The following ST6GALNAC5 variants were observed in gnomAD, a reference collection of about 807,000 sequenced individuals.
The protein encoded by ST6GALNAC5 is alpha-N-acetylgalactosaminide alpha-2,6-sialyltransferase 5.
In ST6GALNAC5, 27 loss-of-function variants were observed where a neutral mutation model predicts 33.6. The ratio of observed to expected loss-of-function variants is 0.80; its 90% confidence interval spans 0.59 to 1.11. ST6GALNAC5 has a LOEUF of 1.11. Among genes scored for constraint, ST6GALNAC5 ranks in the 50% least tolerant of loss-of-function variants. ST6GALNAC5 has a pLI of 0.00. For missense variants in ST6GALNAC5, 428 were observed against 454.0 expected, an observed-to-expected ratio of 0.94 and a Z score of 0.52; for synonymous variants, 194 against 171.2, an observed-to-expected ratio of 1.13 and a Z score of -1.04.
At chr1:76,972,806 A>T (rs772527553) in intron 2 of ST6GALNAC5, among the ~76,000 whole-genome samples, 1 of 152,090 alleles carries the variant, frequency 6.6e-6, no homozygotes, top group African/African-American at 2.4e-5. Flanking sequence ...GAGTCTGCTT[A>T]TTTTTACCTA....
At chr1:76,966,956 C>T (rs540903770) in intron 2 of ST6GALNAC5, among the ~76,000 whole-genome samples, 3 of 152,154 alleles carry the variant, frequency 2.0e-5, no homozygotes, top group African/African-American at 4.8e-5. Context: ...CTGACTTGAT[C>T]GTGGTGCATA....
At chr1:77,061,038 T>A (rs187603587) in intron 4 of ST6GALNAC5, among the ~76,000 whole-genome samples, 184 of 152,330 alleles carry the variant, frequency 1.2e-3, no homozygotes, top group Non-Finnish European at 2.1e-3. Context: ...GAATTTTTGT[T>A]AGAAGGCATT....
intron 2 of ST6GALNAC5, among the ~76,000 whole-genome samples, chr1:76,951,043 A>G (rs900391005): frequency 2.0e-5 from 3 of 152,126 alleles, no homozygotes; most frequent in Non-Finnish European, 4.4e-5. Context: ...CTACAAGCAA[A>G]TTGAAACTGA....
At chr1:76,982,918 A>C (rs1237981661) in intron 2 of ST6GALNAC5, among the ~76,000 whole-genome samples, 1 of 152,150 alleles carries the variant, frequency 6.6e-6, no homozygotes, top group East Asian at 2.0e-4. Context: ...ACAAAGCTTC[A>C]TACGTGAAGG....
chr1:76,916,337 A>G (rs1646974617), intron 2 of ST6GALNAC5, among the ~76,000 whole-genome samples: 1 of 152,166 alleles, frequency 6.6e-6, no homozygotes, highest in Non-Finnish European at 1.5e-5. Context: ...TGCATTTACA[A>G]AGAAATTCTC....
chr1:77,030,172 T>G (rs935122840), intron 2 of ST6GALNAC5, among the ~76,000 whole-genome samples: 3 of 152,254 alleles, frequency 2.0e-5, no homozygotes, highest in Admixed American at 2.0e-4. Context: ...AACCCATTCA[T>G]GTAGGTTTTC....
At chr1:76,911,287 T>A (rs1448468081) in intron 2 of ST6GALNAC5, among the ~76,000 whole-genome samples, 1 of 152,296 alleles carries the variant, frequency 6.6e-6, no homozygotes, top group Middle Eastern at 3.4e-3. Flanking sequence ...ATCCCAGGGA[T>A]GAAGCCCACT....
chr1:76,903,176 C>A (rs891873548), intron 2 of ST6GALNAC5, among the ~76,000 whole-genome samples: 12 of 151,878 alleles, frequency 7.9e-5, no homozygotes, highest in Non-Finnish European at 1.5e-4. Context: ...ATGTAAAGAC[C>A]CATACAACTC....
chr1:76,927,507 G>A (rs1325175746), intron 2 of ST6GALNAC5, among the ~76,000 whole-genome samples: 1 of 152,078 alleles, frequency 6.6e-6, no homozygotes, highest in African/African-American at 2.4e-5. Context: ...GCAAAGGCCT[G>A]ATAGTGATAT....
chr1:76,941,955 A>G (rs1377241418), intron 2 of ST6GALNAC5, among the ~76,000 whole-genome samples: 2 of 152,156 alleles, frequency 1.3e-5, no homozygotes, highest in African/African-American at 4.8e-5. Flanking sequence ...AGTGTCTCTC[A>G]GAGTCAATTC....
chr1:76,941,145 A>G (rs541081093), intron 2 of ST6GALNAC5, among the ~76,000 whole-genome samples: 6 of 152,186 alleles, frequency 3.9e-5, no homozygotes, highest in African/African-American at 1.2e-4. Flanking sequence ...AGCTTAGGCA[A>G]TGGGTTCAAT....
chr1:76,940,862 T>G (rs1647316572), intron 2 of ST6GALNAC5, among the ~76,000 whole-genome samples: 1 of 152,106 alleles, frequency 6.6e-6, no homozygotes, highest in Non-Finnish European at 1.5e-5. Context: ...CCTGTCTTTT[T>G]GCATTCCTGA....
At chr1:76,932,873 C>T (rs950401966) in intron 2 of ST6GALNAC5, among the ~76,000 whole-genome samples, 9 of 152,170 alleles carry the variant, frequency 5.9e-5, no homozygotes, top group African/African-American at 2.2e-4. Context: ...GTAGGAGATA[C>T]TCTTTGCAAT....
chr1:77,017,277 T>C (rs1394929882), intron 2 of ST6GALNAC5, among the ~76,000 whole-genome samples: 1 of 151,994 alleles, frequency 6.6e-6, no homozygotes, highest in Non-Finnish European at 1.5e-5. Context: ...GGAATGTCAA[T>C]GAAGTAGAAC....
chr1:76,924,335 A>G (rs988802415), intron 2 of ST6GALNAC5, among the ~76,000 whole-genome samples: 3 of 152,144 alleles, frequency 2.0e-5, no homozygotes, highest in Non-Finnish European at 2.9e-5. Flanking sequence ...AATTTGACTT[A>G]AGTTTCTGGA....
intron 2 of ST6GALNAC5, among the ~76,000 whole-genome samples, chr1:76,894,550 C>T (rs1654084020): frequency 6.6e-6 from 1 of 152,146 alleles, no homozygotes; most frequent in South Asian, 2.1e-4. Flanking sequence ...ACTTGATAGG[C>T]ACCCTATTGC....
chr1:76,915,911 T>A (rs1201187355), intron 2 of ST6GALNAC5, among the ~76,000 whole-genome samples: 6 of 39,926 alleles, frequency 1.5e-4, no homozygotes, highest in Non-Finnish European at 3.1e-4. Context: ...CTTCCTTGGA[T>A]AATAATAATA....
At position 77,064,816 on chromosome 1, in the gene ST6GALNAC5, T is replaced by A. The variant is rs1261877947; in HGVS notation, c.*1610T>A. On this transcript the variant is annotated 3_prime_UTR_variant, in exon 5 of 5. Coordinates refer to ENST00000477717, the MANE Select transcript of ST6GALNAC5 (RefSeq NM_030965.3). Reference sequence around the variant, plus strand: ...GAAGACTGACATTGTTTTACAGACATGACCTGGCTTATGATAAAAGAAGTT... The same window carrying A: ...GAAGACTGACATTGTTTTACAGACAAGACCTGGCTTATGATAAAAGAAGTT... 6.6e-6 allele frequency: 1 copy of A among 152,206 alleles called. No individual in the cohort carries two copies. The highest frequency in any genetic ancestry group is 1.5e-5 in the Non-Finnish European group (1 of 68,014). The allele number at this position is 152,206 out of a possible 1,614,324, so 9.4% of individuals were successfully genotyped here.
intron 2 of ST6GALNAC5, among the ~76,000 whole-genome samples, chr1:76,965,607 T>C (rs1169969164): frequency 6.6e-6 from 1 of 152,230 alleles, no homozygotes; most frequent in Admixed American, 6.5e-5. Context: ...AGCTCTTTAG[T>C]TTAATTAGAT....
Sources: allele counts gnomAD v4.1 joint callset (sites outside exome capture counted in the v4.1 genomes callset), GRCh38; gene constraint gnomAD v4.1.1; transcripts MANE v1.5; gene names NCBI Gene and HGNC (gene_info 2026-07-23, HGNC 2026-07-21).